Variants in GRB14 observed in about 807,000 individuals in gnomAD.
The protein encoded by GRB14 is growth factor receptor-bound protein 14.
Under a neutral mutation model 69.1 loss-of-function variants are expected in GRB14, and 38 were observed. That is an observed-to-expected ratio of 0.55 (90% CI 0.42 to 0.72). The LOEUF is 0.72. Ranked by LOEUF, GRB14 falls within the 30% of genes least tolerant of loss-of-function variation. The pLI, the probability that GRB14 is intolerant of heterozygous loss-of-function variation, is 0.00. For synonymous variants in GRB14, 247 were observed against 241.3 expected (o/e 1.02, Z -0.22); for missense variants, 666 against 666.1 (o/e 1.00, Z 0.00).
intron 2 of GRB14, among the ~76,000 whole-genome samples, chr2:164,599,346 G>A (rs1369559674): frequency 6.6e-6 from 1 of 152,134 alleles, no homozygotes; most frequent in Middle Eastern, 3.2e-3. Context: ...AAGAGGATAG[G>A]ACATAGATTT....
chr2:164,558,618 C>T (rs1210871740), intron 2 of GRB14, among the ~76,000 whole-genome samples: 1 of 152,212 alleles, frequency 6.6e-6, no homozygotes, highest in East Asian at 1.9e-4. Flanking sequence ...AAGAAAACCT[C>T]TGCAAGTGCT....
At chr2:164,569,495 G>A (rs745494626) in intron 2 of GRB14, among the ~76,000 whole-genome samples, 14 of 152,144 alleles carry the variant, frequency 9.2e-5, no homozygotes, top group South Asian at 2.1e-4. Context: ...TGCCTTCAGC[G>A]GGAGAAGAAC....
chr2:164,500,460 C>T (rs1444029547), intron 9 of GRB14, among the ~76,000 whole-genome samples: 1 of 151,940 alleles, frequency 6.6e-6, no homozygotes, highest in Non-Finnish European at 1.5e-5. Context: ...ATATGTTAAT[C>T]GCTGAAAATA....
At chr2:164,593,547 T>G (rs1689715755) in intron 2 of GRB14, among the ~76,000 whole-genome samples, 1 of 151,860 alleles carries the variant, frequency 6.6e-6, no homozygotes, top group Non-Finnish European at 1.5e-5. Flanking sequence ...CTCAGAAAAA[T>G]TACTCCTCCT....
At chr2:164,568,630 GT>G in intron 2 of GRB14, 1 of 215,596 alleles carries the variant, frequency 4.6e-6, no homozygotes, top group Non-Finnish European at 8.1e-6. Flanking sequence ...TGATACTTTT[GT>G]TTATGATATT....
At chr2:164,535,914 T>C (rs944352256) in intron 3 of GRB14, among the ~76,000 whole-genome samples, 2 of 152,174 alleles carry the variant, frequency 1.3e-5, no homozygotes, top group African/African-American at 2.4e-5. Flanking sequence ...GACCCAACCA[T>C]TGGAACTTAT....
chr2:164,585,148 A>T (rs1689509566), intron 2 of GRB14, among the ~76,000 whole-genome samples: 1 of 112,218 alleles, frequency 8.9e-6, no homozygotes, highest in African/African-American at 3.5e-5. Context: ...GGGTTTTGCC[A>T]TGTCGGCCAG....
chr2:164,563,131 C>T (rs1259979447), intron 2 of GRB14, among the ~76,000 whole-genome samples: 1 of 152,124 alleles, frequency 6.6e-6, no homozygotes, highest in Non-Finnish European at 1.5e-5. Flanking sequence ...CATGGCCTTC[C>T]ACGACCCTCT....
intron 3 of GRB14, among the ~76,000 whole-genome samples, chr2:164,529,216 TAG>T (rs960889043): frequency 1.3e-5 from 2 of 152,132 alleles, no homozygotes; most frequent in Non-Finnish European, 2.9e-5. Flanking sequence ...GTCAAATTCA[TAG>T]AGATAGAAAG....
chr2:164,574,950 A>C (rs1278653350), intron 2 of GRB14, among the ~76,000 whole-genome samples: 3 of 152,102 alleles, frequency 2.0e-5, no homozygotes, highest in Admixed American at 6.5e-5. Context: ...AAAAAAAAAA[A>C]AACTCAGTGA....
At chr2:164,535,150 A>G (rs1486440564) in intron 3 of GRB14, among the ~76,000 whole-genome samples, 1 of 152,144 alleles carries the variant, frequency 6.6e-6, no homozygotes, top group Non-Finnish European at 1.5e-5. Flanking sequence ...AACAAAAACA[A>G]AAATTTCCTA....
intron 6 of GRB14, 93 bp downstream of exon 6, chr2:164,521,887 C>T: frequency 8.7e-7 from 1 of 1,149,026 alleles, no homozygotes; most frequent in East Asian, 2.4e-5. Context: ...CCTTTGACAT[C>T]AAGTAATAAA....
chr2:164,493,509 G>A (rs1686813471), intron 13 of GRB14, among the ~76,000 whole-genome samples: 1 of 152,044 alleles, frequency 6.6e-6, no homozygotes, highest in African/African-American at 2.4e-5. Flanking sequence ...AGATTTTAAT[G>A]CTCCCACTTG....
rs1450287407 is a variant in GRB14, at chr2:164,510,024, G to A, written c.817-1172C>T. On this transcript the variant is annotated intron_variant, in intron 6 of 13. Coordinates refer to ENST00000263915, the MANE Select transcript of GRB14 (RefSeq NM_004490.3). ...GGAGAATAAGACAGGAAAGAAAATTGCTTTAAAAAGACCCAGAATAGGACC... is the reference window on the plus strand; with the variant it reads ...GGAGAATAAGACAGGAAAGAAAATTACTTTAAAAAGACCCAGAATAGGACC... Among the ~76,000 whole-genome samples, 3 of 152,246 alleles carry A rather than the reference G, an allele frequency of 2.0e-5. No individual in the cohort carries two copies. The East Asian group carries it at 5.8e-4, about 29-fold the overall frequency.
chr2:164,542,894 A>G (rs944852254), intron 3 of GRB14, among the ~76,000 whole-genome samples: 4 of 152,256 alleles, frequency 2.6e-5, no homozygotes, highest in Non-Finnish European at 5.9e-5. Flanking sequence ...TACTGGGCAT[A>G]CATCCAAAAT....
intron 2 of GRB14, among the ~76,000 whole-genome samples, chr2:164,617,611 T>C (rs1690328799): frequency 6.6e-6 from 1 of 152,096 alleles, no homozygotes; most frequent in Admixed American, 6.5e-5. Context: ...TCTCACTTTC[T>C]ATTCAAAACA....
intron 2 of GRB14, among the ~76,000 whole-genome samples, chr2:164,570,275 T>TAAAAAAAA (rs35918859): frequency 3.5e-5 from 2 of 57,210 alleles, no homozygotes; most frequent in African/African-American, 1.3e-4. Context: ...AGACTCCATC[T>TAAAAAAAA]AAAAAAAAAA....
chr2:164,543,701 T>C (rs992890167), intron 3 of GRB14, among the ~76,000 whole-genome samples: 12 of 152,138 alleles, frequency 7.9e-5, no homozygotes, highest in African/African-American at 2.9e-4. Flanking sequence ...GCATATCACA[T>C]TTAAGGAGAA....
At chr2:164,595,882 T>C (rs897574603) in intron 2 of GRB14, among the ~76,000 whole-genome samples, 2 of 152,044 alleles carry the variant, frequency 1.3e-5, no homozygotes, top group African/African-American at 4.8e-5. Flanking sequence ...TCCCAGCACT[T>C]TGGGAGGCCA....
Sources: allele counts gnomAD v4.1 joint callset (sites outside exome capture counted in the v4.1 genomes callset), GRCh38; gene constraint gnomAD v4.1.1; transcripts MANE v1.5; gene names NCBI Gene and HGNC (gene_info 2026-07-23, HGNC 2026-07-21).